The following ZRANB3 variants were observed in gnomAD, a reference collection of about 807,000 sequenced individuals.
ZRANB3 encodes DNA annealing helicase and endonuclease ZRANB3.
A neutral mutation model predicts 133.8 loss-of-function variants in ZRANB3; 125 were observed. The observed-to-expected ratio is 0.93, with a 90% CI of 0.81 to 1.08. ZRANB3 has a LOEUF of 1.08. ZRANB3 is among the 50% of genes least tolerant of loss of function. ZRANB3 has a pLI of 0.00. For missense variants in ZRANB3, 1,229 were observed against 1,275.5 expected, an observed-to-expected ratio of 0.96 and a Z score of 0.56; for synonymous variants, 387 against 432.7, an observed-to-expected ratio of 0.89 and a Z score of 1.31.
chr2:135,530,742 C>T (rs912803866), intron 1 of ZRANB3: 5 of 152,266 alleles, frequency 3.3e-5, no homozygotes, highest in African/African-American at 1.2e-4. Flanking sequence ...CTCTGTACAG[C>T]CTCGCGACAA....
chr2:135,401,160 C>T (rs1169493129), intron 2 of ZRANB3, among the ~76,000 whole-genome samples: 4 of 152,080 alleles, frequency 2.6e-5, no homozygotes, highest in Non-Finnish European at 5.9e-5. Flanking sequence ...TGAGACATCA[C>T]CAGACACATA....
chr2:135,406,523 G>C (rs1688041703), intron 2 of ZRANB3, among the ~76,000 whole-genome samples: 2 of 152,226 alleles, frequency 1.3e-5, no homozygotes, highest in Admixed American at 1.3e-4. Flanking sequence ...AACAAAAAAA[G>C]AGAATTTTAG....
chr2:135,365,282 A>C (rs1685876303), intron 3 of ZRANB3, among the ~76,000 whole-genome samples: 1 of 152,008 alleles, frequency 6.6e-6, no homozygotes, highest in Non-Finnish European at 1.5e-5. Flanking sequence ...ACAAAACAAA[A>C]ACGAAATTTG....
intron 3 of ZRANB3, among the ~76,000 whole-genome samples, chr2:135,390,114 C>T (rs1687158570): frequency 6.6e-6 from 1 of 152,028 alleles, no homozygotes; most frequent in African/African-American, 2.4e-5. Context: ...CTCCTGGCCT[C>T]ATGATCCACC....
chr2:135,522,386 A>G (rs576728111), intron 1 of ZRANB3, among the ~76,000 whole-genome samples: 1 of 151,660 alleles, frequency 6.6e-6, no homozygotes, highest in Non-Finnish European at 1.5e-5. Flanking sequence ...CGCCTTTTAA[A>G]CTCTTATTCT....
At position 135,286,687 on chromosome 2, in the gene ZRANB3, AT is replaced by A. The variant is rs1249969714; in HGVS notation, c.967-10933del. On this transcript the variant is annotated intron_variant, in intron 8 of 20. Transcript: ENST00000264159. ...AATACGTGATGATGAGCATTTTTTCATTTTTTTTGGCCATTTGCATATCTTC... is the reference window on the plus strand; with the variant it reads ...AATACGTGATGATGAGCATTTTTTCATTTTTTTGGCCATTTGCATATCTTC... Among the ~76,000 whole-genome samples, 3 of 151,662 alleles carry A rather than the reference AT, an allele frequency of 2.0e-5. No homozygotes were observed. In the South Asian group the frequency reaches 6.3e-4, roughly 32 times the overall value.
intron 3 of ZRANB3, among the ~76,000 whole-genome samples, chr2:135,386,920 A>G (rs1442935223): frequency 6.6e-6 from 1 of 151,944 alleles, no homozygotes; most frequent in African/African-American, 2.4e-5. Flanking sequence ...CAGCAAACCA[A>G]CATGGCACAT....
intron 8 of ZRANB3, among the ~76,000 whole-genome samples, chr2:135,309,592 A>T (rs1178517977): frequency 6.6e-6 from 1 of 152,246 alleles, no homozygotes; most frequent in East Asian, 1.9e-4. Context: ...ATACTTAGCA[A>T]GGGAAACCTG....
At chr2:135,369,805 A>G (rs551941489) in intron 3 of ZRANB3, among the ~76,000 whole-genome samples, 5 of 152,210 alleles carry the variant, frequency 3.3e-5, no homozygotes, top group South Asian at 4.2e-4. Flanking sequence ...CGTTTTTTCA[A>G]TGCTGGTTTT....
intron 6 of ZRANB3, among the ~76,000 whole-genome samples, chr2:135,331,449 C>A (rs189540228): frequency 2.6e-5 from 4 of 152,000 alleles, no homozygotes; most frequent in African/African-American, 9.7e-5. Context: ...ATTTCTTTTA[C>A]ATTTGCTGAG....
chr2:135,516,697 C>A (rs1228227290), intron 1 of ZRANB3, among the ~76,000 whole-genome samples: 3 of 152,012 alleles, frequency 2.0e-5, no homozygotes, highest in Admixed American at 2.0e-4. Flanking sequence ...CTCTGGCTGC[C>A]CTTAACATTT....
intron 2 of ZRANB3, among the ~76,000 whole-genome samples, chr2:135,494,425 A>G (rs1358378281): frequency 2.6e-5 from 4 of 152,176 alleles, no homozygotes; most frequent in African/African-American, 9.7e-5. Context: ...CTTCTTTACA[A>G]TAAAATGCCA....
At chr2:135,298,538 C>A (rs1210527963) in intron 8 of ZRANB3, among the ~76,000 whole-genome samples, 1 of 152,142 alleles carries the variant, frequency 6.6e-6, no homozygotes, top group Non-Finnish European at 1.5e-5. Context: ...TCGCCCCCTT[C>A]CCCTAAAGAT....
chr2:135,497,845 G>C (rs751084713), intron 2 of ZRANB3, among the ~76,000 whole-genome samples: 2 of 152,098 alleles, frequency 1.3e-5, no homozygotes, highest in African/African-American at 2.4e-5. Flanking sequence ...CGGAGGTCAG[G>C]AGTTCGAGAT....
chr2:135,516,428 T>A (rs1158560220), intron 1 of ZRANB3, among the ~76,000 whole-genome samples: 2 of 152,244 alleles, frequency 1.3e-5, no homozygotes. Context: ...CCATGTTTAG[T>A]GCTTCCTTCA....
chr2:135,404,755 C>T (rs531267935), intron 2 of ZRANB3, among the ~76,000 whole-genome samples: 7 of 152,262 alleles, frequency 4.6e-5, no homozygotes, highest in East Asian at 1.9e-4. Flanking sequence ...GCGGATCTCT[C>T]GGCAGAAACT....
At chr2:135,476,363 T>C (rs1010080200) in intron 2 of ZRANB3, among the ~76,000 whole-genome samples, 2 of 152,226 alleles carry the variant, frequency 1.3e-5, no homozygotes, top group Non-Finnish European at 2.9e-5. Flanking sequence ...GGGTAAAATA[T>C]AATTTCTTAA....
chr2:135,391,427 C>G (rs952989763), intron 2 of ZRANB3, among the ~76,000 whole-genome samples: 28 of 152,180 alleles, frequency 1.8e-4, no homozygotes, highest in Admixed American at 3.9e-4. Flanking sequence ...CAATGACCAC[C>G]CTCCTCATCC....
intron 2 of ZRANB3, among the ~76,000 whole-genome samples, chr2:135,493,136 TATATATATATATA>T (rs1692478840): frequency 2.1e-5 from 1 of 48,332 alleles, no homozygotes; most frequent in Non-Finnish European, 3.4e-5. Flanking sequence ...TATATATATA[TATATATATATATA>T]TATATATATA....
Sources: allele counts gnomAD v4.1 joint callset (sites outside exome capture counted in the v4.1 genomes callset), GRCh38; gene constraint gnomAD v4.1.1; transcripts MANE v1.5; gene names NCBI Gene and HGNC (gene_info 2026-07-23, HGNC 2026-07-21).